Variants in FSHR observed in about 807,000 individuals in gnomAD.
FSHR encodes follicle stimulating hormone receptor, also known as follicle-stimulating hormone receptor.
A neutral mutation model predicts 52.1 loss-of-function variants in FSHR; 46 were observed. The observed-to-expected ratio is 0.88, with a 90% CI of 0.70 to 1.13. The LOEUF (loss-of-function observed/expected upper bound fraction) is 1.13. Among genes scored for constraint, FSHR ranks in the 50% most tolerant of loss-of-function variants. The pLI, the probability that FSHR is intolerant of heterozygous loss-of-function variation, is 0.00. For missense variants in FSHR, 964 were observed against 834.6 expected (o/e 1.16, Z -1.91); for synonymous variants, 399 against 309.6 (o/e 1.29, Z -3.03).
At chr2:49,127,657 C>T (rs1406213218) in intron 1 of FSHR, among the ~76,000 whole-genome samples, 1 of 152,008 alleles carries the variant, frequency 6.6e-6, no homozygotes, top group Non-Finnish European at 1.5e-5. Flanking sequence ...TCTCATCTTG[C>T]CAATCCTGCC....
At chr2:49,013,562 T>C (rs1229374565) in intron 4 of FSHR, among the ~76,000 whole-genome samples, 1 of 145,680 alleles carries the variant, frequency 6.9e-6, no homozygotes, top group Admixed American at 6.9e-5. Context: ...ATATGGTTTA[T>C]TTATTTATTG....
intron 1 of FSHR, among the ~76,000 whole-genome samples, chr2:49,154,044 A>C (rs1017044855): frequency 6.6e-6 from 1 of 152,146 alleles, no homozygotes; most frequent in African/African-American, 2.4e-5. Context: ...GTTCTCTGAC[A>C]CTGCCGTTCT....
At chr2:49,128,104 A>C (rs1302907523) in intron 1 of FSHR, among the ~76,000 whole-genome samples, 1 of 148,936 alleles carries the variant, frequency 6.7e-6, no homozygotes, top group Non-Finnish European at 1.5e-5. Context: ...CTGGTCTTGA[A>C]CTCCTGATCT....
chr2:49,035,943 A>T (rs1267052859), intron 2 of FSHR, among the ~76,000 whole-genome samples: 1 of 152,228 alleles, frequency 6.6e-6, no homozygotes, highest in Non-Finnish European at 1.5e-5. Context: ...ATTTGAGGTC[A>T]ACATCATTAG....
intron 4 of FSHR, among the ~76,000 whole-genome samples, chr2:48,996,320 A>G (rs1199567219): frequency 6.6e-6 from 1 of 152,076 alleles, no homozygotes; most frequent in Non-Finnish European, 1.5e-5. Context: ...GTTGATTCTC[A>G]TTATCCACAG....
intron 2 of FSHR, among the ~76,000 whole-genome samples, chr2:49,038,631 AT>A (rs56132405): frequency 0.38 from 37,007 of 98,334 alleles, 7,851 homozygotes; most frequent in East Asian, 0.4. Context: ...TCTCAAAATA[AT>A]AATAATAATA....
intron 2 of FSHR, among the ~76,000 whole-genome samples, chr2:49,055,705 G>A (rs1669038444): frequency 6.6e-6 from 1 of 152,012 alleles, no homozygotes; most frequent in African/African-American, 2.4e-5. Flanking sequence ...TGGATGAAGA[G>A]TAGATTTCTT....
chr2:49,140,939 C>G (rs1672662743), intron 1 of FSHR, among the ~76,000 whole-genome samples: 1 of 152,178 alleles, frequency 6.6e-6, no homozygotes, highest in Non-Finnish European at 1.5e-5. Flanking sequence ...TCTGCTAAGC[C>G]TCTACATCTG....
intron 2 of FSHR, among the ~76,000 whole-genome samples, chr2:49,026,760 T>A (rs2104242720): frequency 6.6e-6 from 1 of 152,172 alleles, no homozygotes; most frequent in Non-Finnish European, 1.5e-5. Flanking sequence ...TTTTATTATT[T>A]TTCCCTGTAC....
intron 4 of FSHR, among the ~76,000 whole-genome samples, chr2:48,995,560 A>G (rs1675988256): frequency 6.6e-6 from 1 of 152,148 alleles, no homozygotes; most frequent in South Asian, 2.1e-4. Flanking sequence ...CTAGTTAAAG[A>G]AACATGGTAA....
chr2:49,148,437 A>G (rs1672946190), intron 1 of FSHR, among the ~76,000 whole-genome samples: 1 of 152,092 alleles, frequency 6.6e-6, no homozygotes, highest in African/African-American at 2.4e-5. Context: ...ACTGAGGAGC[A>G]GAGCAAATAA....
intron 1 of FSHR, among the ~76,000 whole-genome samples, chr2:49,138,371 A>G (rs1672559523): frequency 6.6e-6 from 1 of 152,204 alleles, no homozygotes; most frequent in South Asian, 2.1e-4. Context: ...AAGAAAACTG[A>G]AAACATATGT....
chr2:49,141,277 C>A (rs924888053), intron 1 of FSHR, among the ~76,000 whole-genome samples: 28 of 152,068 alleles, frequency 1.8e-4, no homozygotes, highest in African/African-American at 6.8e-4. Context: ...TTAAAAAATA[C>A]CTAAGACTGG....
chr2:48,981,267 A>C (rs1675234945), intron 8 of FSHR, among the ~76,000 whole-genome samples: 2 of 151,892 alleles, frequency 1.3e-5, no homozygotes, highest in South Asian at 4.2e-4. Context: ...GTATTGCCTG[A>C]CTCCTCTCTA....
At chr2:49,074,037 C>A (rs934261192) in intron 1 of FSHR, among the ~76,000 whole-genome samples, 10 of 151,878 alleles carry the variant, frequency 6.6e-5, no homozygotes, top group African/African-American at 2.4e-4. Context: ...TAGAAATGAC[C>A]ACAAAATGAC....
At chr2:49,053,755 C>T (rs1483527510) in intron 2 of FSHR, among the ~76,000 whole-genome samples, 1 of 152,076 alleles carries the variant, frequency 6.6e-6, no homozygotes, top group Admixed American at 6.6e-5. Context: ...CTGGGTTAAA[C>T]TGGGATAATA....
At chr2:49,071,839 C>T (rs1193500032) in intron 1 of FSHR, among the ~76,000 whole-genome samples, 1 of 152,054 alleles carries the variant, frequency 6.6e-6, no homozygotes, top group African/African-American at 2.4e-5. Flanking sequence ...AGGCTCTTTT[C>T]AACAATCAGC....
chr2:48,979,806 TG>T (rs769502243), intron 8 of FSHR, among the ~76,000 whole-genome samples: 2,920 of 150,264 alleles, frequency 0.019, 72 homozygotes, highest in African/African-American at 0.063. Flanking sequence ...TCACAGTCTT[TG>T]TGTGTGTGTG....
chr2:49,022,405 G>A (rs996892106), intron 2 of FSHR, among the ~76,000 whole-genome samples: 1 of 152,104 alleles, frequency 6.6e-6, no homozygotes, highest in Non-Finnish European at 1.5e-5. Context: ...TTGGCCAGAC[G>A]AGGGTTGGGG....
Sources: allele counts gnomAD v4.1 joint callset (sites outside exome capture counted in the v4.1 genomes callset), GRCh38; gene constraint gnomAD v4.1.1; transcripts MANE v1.5; gene names NCBI Gene and HGNC (gene_info 2026-07-23, HGNC 2026-07-21).